GRIK4: variants seen among roughly 807,000 people sequenced by gnomAD.
GRIK4 encodes the protein glutamate receptor ionotropic, kainate 4.
GRIK4 carries 40 observed loss-of-function variants against 104.9 expected under a neutral mutation model. The ratio of observed to expected loss-of-function variants is 0.38; its 90% CI spans 0.30 to 0.50. The LOEUF is 0.50. Ranked by LOEUF, GRIK4 falls within the 20% of genes least tolerant of loss-of-function variation. The pLI is 0.93. For missense variants in GRIK4, 1,047 were observed against 1,308.1 expected, an observed-to-expected ratio of 0.80 and a Z score of 3.08; for synonymous variants, 485 against 524.9, an observed-to-expected ratio of 0.92 and a Z score of 1.04.
In GRIK4 at chr11:120,653,805, A is replaced by G. The variant is rs1949656186; in HGVS notation, c.-51+13A>G. The G allele has an allele frequency of 6.6e-6, 1 of 152,258 alleles. No homozygotes were observed. 9.4% of individuals were successfully genotyped at this position (152,258 alleles called of 1,614,324 possible). ...CATCACCCCGGAGGTAGGCACTGCC[A>G]TTCCCATATTACTGGTGGAGGAAGA... On this transcript the variant is annotated intron_variant, in intron 2 of 20. Transcript: ENST00000527524.
chr11:120,762,063 C>T (rs1951760799), intron 3 of GRIK4, among the ~76,000 whole-genome samples: 1 of 151,908 alleles, frequency 6.6e-6, no homozygotes, highest in African/African-American at 2.4e-5. Context: ...TCATGATATT[C>T]TTCCTATCCA....
intron 1 of GRIK4, among the ~76,000 whole-genome samples, chr11:120,561,342 C>T (rs1419280514): frequency 1.3e-5 from 2 of 152,322 alleles, no homozygotes; most frequent in East Asian, 1.9e-4. Context: ...TGCATCAAGG[C>T]GCCTGCTACT....
chr11:120,657,905 C>A (rs1006050963), intron 2 of GRIK4, among the ~76,000 whole-genome samples: 1 of 152,192 alleles, frequency 6.6e-6, no homozygotes, highest in South Asian at 2.1e-4. Context: ...GTGAACACAC[C>A]TCTGCAAGCA....
intron 8 of GRIK4, chr11:120,859,001 T>C (rs1954191020): frequency 6.6e-6 from 1 of 152,192 alleles, no homozygotes; most frequent in Non-Finnish European, 1.5e-5. Context: ...CTTTTTATCT[T>C]AAGAGGCCTT....
At chr11:120,769,196 T>C (rs1238167223) in intron 3 of GRIK4, among the ~76,000 whole-genome samples, 1 of 152,170 alleles carries the variant, frequency 6.6e-6, no homozygotes, top group Non-Finnish European at 1.5e-5. Flanking sequence ...AGGTTTTTAA[T>C]TACTTCAGTT....
At chr11:120,764,139 G>A (rs1037253656) in intron 3 of GRIK4, among the ~76,000 whole-genome samples, 2 of 152,194 alleles carry the variant, frequency 1.3e-5, no homozygotes, top group Non-Finnish European at 2.9e-5. Flanking sequence ...TGTATTGGGT[G>A]CATATATATT....
intron 3 of GRIK4, among the ~76,000 whole-genome samples, chr11:120,667,496 TCA>T (rs1347526174): frequency 1.3e-5 from 2 of 152,252 alleles, no homozygotes; most frequent in African/African-American, 4.8e-5. Context: ...CACATCCCAC[TCA>T]CAGCCTCGCG....
intron 11 of GRIK4, among the ~76,000 whole-genome samples, chr11:120,878,163 G>A (rs1400487086): frequency 3.3e-5 from 5 of 152,232 alleles, no homozygotes; most frequent in Non-Finnish European, 5.9e-5. Context: ...CACAGCGGCT[G>A]CAGTTTCTTT....
At chr11:120,796,775 G>A (rs1952526651) in intron 3 of GRIK4, among the ~76,000 whole-genome samples, 1 of 152,064 alleles carries the variant, frequency 6.6e-6, no homozygotes, top group Non-Finnish European at 1.5e-5. Context: ...GACTCAACAG[G>A]GACAGCTCTT....
At chr11:120,754,506 GT>G (rs1365580374) in intron 3 of GRIK4, among the ~76,000 whole-genome samples, 1 of 152,078 alleles carries the variant, frequency 6.6e-6, no homozygotes, top group Admixed American at 6.6e-5. Context: ...AGATATTTGG[GT>G]TTTTTTCCAC....
chr11:120,748,894 A>G (rs1448258545), intron 3 of GRIK4, among the ~76,000 whole-genome samples: 1 of 152,204 alleles, frequency 6.6e-6, no homozygotes, highest in Non-Finnish European at 1.5e-5. Flanking sequence ...GTTCCTGGGT[A>G]GCTTTTCTAA....
chr11:120,607,212 G>A (rs887331735), intron 1 of GRIK4, among the ~76,000 whole-genome samples: 4 of 152,184 alleles, frequency 2.6e-5, no homozygotes, highest in East Asian at 1.9e-4. Context: ...GGTGGTGACC[G>A]GTTCAGTATT....
At chr11:120,820,409 C>A (rs969184975) in intron 6 of GRIK4, among the ~76,000 whole-genome samples, 2 of 152,194 alleles carry the variant, frequency 1.3e-5, no homozygotes, top group African/African-American at 4.8e-5. Flanking sequence ...GCTGATGGAA[C>A]AAGGTCCGAG....
At chr11:120,542,013 G>C (rs1000525469) in intron 1 of GRIK4, among the ~76,000 whole-genome samples, 2 of 151,716 alleles carry the variant, frequency 1.3e-5, no homozygotes, top group Non-Finnish European at 2.9e-5. Flanking sequence ...AGCCAAAACA[G>C]TCTTAAACAA....
At chr11:120,917,247 CAAAAAA>C (rs199620498) in intron 13 of GRIK4, among the ~76,000 whole-genome samples, 6 of 34,796 alleles carry the variant, frequency 1.7e-4, no homozygotes, top group Admixed American at 3.8e-4. Flanking sequence ...AACTCCGTCT[CAAAAAA>C]AAAAAAAAAA....
At chr11:120,655,148 C>T (rs1407138538) in intron 2 of GRIK4, among the ~76,000 whole-genome samples, 2 of 151,856 alleles carry the variant, frequency 1.3e-5, no homozygotes, top group Non-Finnish European at 2.9e-5. Flanking sequence ...CAGACAGCAT[C>T]GTTGTCATAG....
intron 1 of GRIK4, among the ~76,000 whole-genome samples, chr11:120,575,338 C>G (rs1417980390): frequency 1.3e-5 from 2 of 152,150 alleles, no homozygotes; most frequent in African/African-American, 4.8e-5. Flanking sequence ...CCTGCCCAGC[C>G]TTTTTACCTG....
chr11:120,888,039 G>A (rs980953762), intron 11 of GRIK4, among the ~76,000 whole-genome samples: 10 of 152,188 alleles, frequency 6.6e-5, no homozygotes, highest in Admixed American at 3.3e-4. Context: ...TTTCTCTGCC[G>A]CCTAGCCTCC....
chr11:120,917,850 C>A (rs1353872822), intron 13 of GRIK4, among the ~76,000 whole-genome samples: 1 of 152,206 alleles, frequency 6.6e-6, no homozygotes, highest in Non-Finnish European at 1.5e-5. Context: ...CCACCTTCCC[C>A]ACTGAGCGCC....
Sources: allele counts gnomAD v4.1 joint callset (sites outside exome capture counted in the v4.1 genomes callset), GRCh38; gene constraint gnomAD v4.1.1; transcripts MANE v1.5; gene names NCBI Gene and HGNC (gene_info 2026-07-23, HGNC 2026-07-21).